Variants in NAB2 observed in about 807,000 individuals in gnomAD.
NAB2 encodes the protein NGFI-A binding protein 2, also known as NGFI-A-binding protein 2.
NAB2 carries 9 observed loss-of-function variants against 44.2 expected under a neutral mutation model. The observed-to-expected ratio is 0.20, with a 90% confidence interval of 0.12 to 0.36. NAB2 has a LOEUF of 0.36. Among genes scored for constraint, NAB2 ranks in the 10% least tolerant of loss-of-function variants. The probability of loss-of-function intolerance (pLI) is 1.00; values close to 1 mark genes in which losing one functional copy is unlikely to be tolerated. For missense variants in NAB2, 514 were observed against 709.0 expected (o/e 0.73, Z 3.12); for synonymous variants, 342 against 291.0 (o/e 1.18, Z -1.78).
In NAB2 at chr12:57,092,932, A is replaced by C; in HGVS notation, c.1107A>C (p.Glu369Asp). Residue 369 changes from glutamate to aspartate, a missense_variant, in exon 4 of 7, where the codon GAA (glutamate) becomes GAC (aspartate). Glu to Asp is a conservative substitution (Grantham distance 45). This residue lies in a region of NAB2 where 194 missense variants were observed against 223.9 expected (regional missense o/e 0.87). Transcript: ENST00000300131. ...ATCTTTTCAGGCTTCACCCTGAAGA[A>C]CTGGGAGGCCCTCCACTGAAGAAGC... ...SLKGSRLHPE[E>D]LGGPPLKKLK... 1 of 1,614,184 alleles carries C rather than the reference A, an allele frequency of 6.2e-7. No homozygotes were observed. Among genetic ancestry groups the C allele is most frequent in the Non-Finnish European group, 8.5e-7 (1 of 1,180,012 alleles).
chr12:57,093,270 C>T, intron 5 of NAB2, 75 bp downstream of exon 5: 1 of 1,500,592 alleles, frequency 6.7e-7, no homozygotes, highest in Non-Finnish European at 8.9e-7. Flanking sequence ...GAGGAGTGAG[C>T]CAGGAGGCAG....
intron 1 of NAB2, 125 bp downstream of exon 1, chr12:57,089,479 T>C (rs1166507310): frequency 4.3e-6 from 3 of 704,566 alleles, no homozygotes. Flanking sequence ...GGGTGGAGAC[T>C]GATGGAAAAG....
At chr12:57,090,375 T>C (rs985261052) in intron 1 of NAB2, among the ~76,000 whole-genome samples, 1 of 152,068 alleles carries the variant, frequency 6.6e-6, no homozygotes, top group Non-Finnish European at 1.5e-5. Context: ...TCTCAGCTAC[T>C]CAGGAGGCTG....
At chr12:57,092,126 C>A in intron 2 of NAB2, 128 bp downstream of exon 2, 1 of 1,422,950 alleles carries the variant, frequency 7.0e-7, no homozygotes, top group Non-Finnish European at 9.2e-7. Context: ...CCCTGATCCC[C>A]TCCCCAACAG....
In NAB2 at chr12:57,091,716, G is replaced by A. The variant is rs781476255; in HGVS notation, c.675G>A (p.Leu225=). Residue 225 remains leucine (L), a synonymous_variant, in exon 2 of 7, where the codon CTG becomes CTA. Coordinates refer to ENST00000300131, the MANE Select transcript of NAB2 (RefSeq NM_005967.4). This position sits in a 1 kb window ranked among gnomAD's most constrained non-coding sequence, Gnocchi z 7.3. ...CTGAGGGGACTGGGGCTGGGGGGCT[G>A]GCAGCAGGTGGGACTGGGGGTGGTC... The part of the protein sequence containing the change: ...GVPEGTGAGG[L]AAGGTGGGPD... 2 of 1,613,926 alleles carry A rather than the reference G, an allele frequency of 1.2e-6. No homozygotes were observed. Among genetic ancestry groups the A allele is most frequent in the Non-Finnish European group, 1.7e-6 (2 of 1,179,854 alleles).
chr12:57,092,782 T>C (rs1014608966), intron 3 of NAB2, 135 bp from the exon 4 acceptor site: 40 of 1,347,728 alleles, frequency 3.0e-5, no homozygotes, highest in Admixed American at 8.9e-5. Flanking sequence ...CAATAGTGCT[T>C]GAACTAGAGA....
At position 57,093,447 on chromosome 12, in the gene NAB2, C is replaced by A. The variant is rs761810425; in HGVS notation, c.1317C>A (p.Asp439Glu). The change falls in exon 6 of 7, where the codon GAC (aspartate) becomes GAA (glutamate). Residue 439 changes from aspartate to glutamate, a missense_variant. Asp to Glu is a conservative substitution (Grantham distance 45). This residue lies in a region of NAB2 where 194 missense variants were observed against 223.9 expected (regional missense o/e 0.87). Coordinates refer to ENST00000300131, the MANE Select transcript of NAB2 (RefSeq NM_005967.4). ...CAAGGCTGACGCCGCCCCCTGCTGA[C>A]CTGCCTCTGGCATTGCCAGCCCATG... is the stretch of plus-strand genomic sequence containing the variant. ...SCPRLTPPPA[D>E]LPLALPAHGL... The A allele has an allele frequency of 2.5e-6, 4 of 1,599,830 alleles. No individual in the cohort carries two copies. Among genetic ancestry groups the A allele is most frequent in the Non-Finnish European group, 3.4e-6 (4 of 1,173,804 alleles).
At chr12:57,092,393 G>C (rs200135676) in intron 2 of NAB2, 55 bp from the exon 3 acceptor site, 2,343 of 1,599,424 alleles carry the variant, frequency 1.5e-3, no homozygotes, top group Non-Finnish European at 1.8e-3. Context: ...AGGAGGTCTG[G>C]TGAGGCAGCG....
intron 5 of NAB2, 86 bp downstream of exon 5, chr12:57,093,281 T>C (rs2033235714): frequency 6.8e-7 from 1 of 1,479,036 alleles, no homozygotes; most frequent in African/African-American, 1.4e-5. Context: ...CAGGAGGCAG[T>C]GCCTGAAACA....
In NAB2 at chr12:57,091,666, T is replaced by TC. The variant is rs780329405; in HGVS notation, c.632dup (p.Ala212CysfsTer7). 5.6e-6 allele frequency: 9 copies of TC among 1,608,438 alleles called. No homozygotes were observed. ...AGAGGAGGCTGGCTCGCCCCCCTTC[T>TC]CCCCCCCTGCAGGGGGAGGAGTCCC... On this transcript the variant is annotated frameshift_variant, in exon 2 of 7. Transcript: ENST00000300131. LOFTEE classifies it high-confidence loss of function. The surrounding 1 kb of genome is among the most constrained non-coding windows in gnomAD (Gnocchi z 7.3).
chr12:57,094,506 A>T (rs2033294517), intron 6 of NAB2, 106 bp from the exon 7 acceptor site: 1 of 899,888 alleles, frequency 1.1e-6, no homozygotes, highest in African/African-American at 1.6e-5. Context: ...ATAAACCTAA[A>T]CTGAGCCCAT....
Position 57,094,691 on chromosome 12 carries a change from G to A in NAB2, c.1548G>A (p.Val516=). ...TGGTGGAGGGTCGCAGGAGCAGCGT[G>A]AAAGTGGAGGCTGAGGCCAGCCGGC... The part of the protein sequence containing the change: ...PALVEGRRSS[V]KVEAEASRQ Residue 516 remains valine (V), a synonymous_variant, in exon 7 of 7, where the codon GTG becomes GTA. Coordinates refer to ENST00000300131, the MANE Select transcript of NAB2 (RefSeq NM_005967.4). 1 of 1,554,108 alleles carries A rather than the reference G, an allele frequency of 6.4e-7. No homozygotes were observed. The highest frequency in any genetic ancestry group is 2.4e-5 in the East Asian group (1 of 41,364).
At position 57,091,436 on chromosome 12, in the gene NAB2, A is replaced by G; in HGVS notation, c.395A>G (p.Glu132Gly). 1 of 1,614,166 alleles carries G rather than the reference A, an allele frequency of 6.2e-7. No homozygotes were observed. The highest frequency in any genetic ancestry group is 8.5e-7 in the Non-Finnish European group (1 of 1,180,026). ...VSSIPLFKIS[E>G]TAGTRKGSMS... is the part of the protein sequence containing the mutation. The stretch of plus-strand genomic sequence containing the variant: ...AGCATCCCGCTCTTCAAGATCTCTG[A>G]GACTGCGGGTACCCGGAAAGGGAGC... The change falls in exon 2 of 7, where the codon GAG (glutamate) becomes GGG (glycine). Residue 132 changes from glutamate (E) to glycine (G), a missense_variant. Around this residue, in one of 5 missense-constraint regions of NAB2, gnomAD observed 177 missense variants for 200.5 expected, o/e 0.88. Transcript: ENST00000300131. The surrounding 1 kb of genome is among the most constrained non-coding windows in gnomAD (Gnocchi z 7.3).
rs771853469 is a variant in NAB2 at position 57,093,397 on chromosome 12, A to G, written c.1277-10A>G. 28 of 1,548,094 alleles carry G rather than the reference A, an allele frequency of 1.8e-5. No individual in the cohort carries two copies. In the South Asian group the frequency reaches 3.1e-4, roughly 17 times the overall value. On this transcript the variant is annotated splice_polypyrimidine_tract_variant and intron_variant, in intron 5 of 6. Coordinates refer to ENST00000300131, the MANE Select transcript of NAB2 (RefSeq NM_005967.4). Reference sequence around the variant, plus strand: ...GCAGCCCCTTACCTGACCAGTGCCCATGCCCACAGCTGTGGGGTCATGTCC... The same window carrying G: ...GCAGCCCCTTACCTGACCAGTGCCCGTGCCCACAGCTGTGGGGTCATGTCC...
In NAB2 at chr12:57,094,712, C is replaced by T. The variant is rs1333658731; in HGVS notation, c.1569C>T (p.Ser523=). 5.2e-6 allele frequency: 8 copies of T among 1,551,774 alleles called. No individual in the cohort carries two copies. Among genetic ancestry groups the T allele is most frequent in the Non-Finnish European group, 4.4e-6 (5 of 1,147,730 alleles). The change falls in exon 7 of 7, where the codon AGC becomes AGT. Residue 523 remains serine, a synonymous_variant. Transcript: ENST00000300131. ...GCGTGAAAGTGGAGGCTGAGGCCAG[C>T]CGGCAGTGAGGGTTGGACTGGTGTC... The part of the protein sequence containing the change: ...RSSVKVEAEA[S]RQ
In NAB2 at chr12:57,091,956, C is replaced by T. The variant is rs779653210; in HGVS notation, c.915C>T (p.Phe305=). 49 of 1,613,196 alleles carry T rather than the reference C, an allele frequency of 3.0e-5. No homozygotes were observed. Among genetic ancestry groups the T allele is most frequent in the East Asian group, 4.5e-5 (2 of 44,854 alleles). Residue 305 remains phenylalanine (F), a synonymous_variant, in exon 2 of 7, where the codon TTC becomes TTT. Transcript: ENST00000300131. The surrounding 1 kb of genome is among the most constrained non-coding windows in gnomAD (Gnocchi z 7.3). The stretch of plus-strand genomic sequence containing the variant: ...AATACAGCATCATCTATGGCCGTTT[C>T]GACTCTAAGCGGCGGGAGGGCAAGC... ...IRKYSIIYGR[F]DSKRREGKQL... is the part of the protein sequence containing the mutation.
At chr12:57,090,098 T>C (rs1311508113) in intron 1 of NAB2, among the ~76,000 whole-genome samples, 1 of 151,472 alleles carries the variant, frequency 6.6e-6, no homozygotes, top group Admixed American at 6.6e-5. Flanking sequence ...AAGTGGGGAG[T>C]GTCACTGCTA....
In NAB2 at chr12:57,093,550, C is replaced by A. The variant is rs1360300982; in HGVS notation, c.1420C>A (p.Arg474Ser). ...LRLARLVSHD[R>S]VGRLSPCVPA... Reference sequence around the variant, plus strand: ...GCTCGCCCGCCTCGTCTCCCACGACCGCGTGGGCCGCCTCAGCCCCTGTGT... The same window carrying A: ...GCTCGCCCGCCTCGTCTCCCACGACAGCGTGGGCCGCCTCAGCCCCTGTGT... The change falls in exon 6 of 7, where the codon CGC becomes AGC. Residue 474 changes from arginine to serine, a missense_variant. Arg to Ser is a moderately radical substitution (Grantham distance 110). Coordinates refer to ENST00000300131, the MANE Select transcript of NAB2 (RefSeq NM_005967.4). The A allele has an allele frequency of 6.5e-7, 1 of 1,546,250 alleles. No homozygotes were observed. The highest frequency in any genetic ancestry group is 8.7e-7 in the Non-Finnish European group (1 of 1,146,402).
rs1327535579 is a variant in NAB2, at chr12:57,095,297, TG to T, written c.*579del. On this transcript the variant is annotated 3_prime_UTR_variant, in exon 7 of 7. Transcript: ENST00000300131. ...TCTTCCCTGCCCTACATAGGGGCGG[TG>T]GGTGTGGGATCCCTTCACTGGCCCC... 1 of 153,632 alleles carries T rather than the reference TG, an allele frequency of 6.5e-6. No individual in the cohort carries two copies. Among genetic ancestry groups the T allele is most frequent in the Non-Finnish European group, 1.5e-5 (1 of 68,800 alleles). The allele number at this position is 153,632 out of a possible 1,614,324, so 9.5% of individuals were successfully genotyped here.
Sources: allele counts gnomAD v4.1 joint callset (sites outside exome capture counted in the v4.1 genomes callset), GRCh38; gene constraint gnomAD v4.1.1; regional missense constraint gnomAD v4.1.1; non-coding constraint Gnocchi (gnomAD v3.1); transcripts MANE v1.5; gene names NCBI Gene and HGNC (gene_info 2026-07-23, HGNC 2026-07-21).